Variants in NOL11 observed in about 807,000 individuals in gnomAD.
The protein encoded by NOL11 is nucleolar protein 11.
A neutral mutation model predicts 93.0 loss-of-function variants in NOL11; 42 were observed. The observed-to-expected ratio is 0.45, with a 90% CI of 0.35 to 0.58. The LOEUF (loss-of-function observed/expected upper bound fraction) is 0.58. NOL11 is among the 20% of genes least tolerant of loss of function. The probability of loss-of-function intolerance (pLI) is 0.00; values close to 1 mark genes in which losing one functional copy is unlikely to be tolerated. For synonymous variants in NOL11, 296 were observed against 293.7 expected, an observed-to-expected ratio of 1.01 and a Z score of -0.08; for missense variants, 775 against 841.8, an observed-to-expected ratio of 0.92 and a Z score of 0.98.
At chr17:67,735,452 A>G (rs2055192402) in intron 8 of NOL11, among the ~76,000 whole-genome samples, 1 of 151,924 alleles carries the variant, frequency 6.6e-6, no homozygotes, top group African/African-American at 2.4e-5. Flanking sequence ...ATTTATTATT[A>G]CAAACTTTTT....
At chr17:67,733,972 C>T (rs374980439) in intron 7 of NOL11, among the ~76,000 whole-genome samples, 3 of 152,028 alleles carry the variant, frequency 2.0e-5, no homozygotes, top group African/African-American at 7.2e-5. Flanking sequence ...TGTCTTTGTC[C>T]GGCTTTGGTA....
chr17:67,736,367 C>G (rs921667246), intron 9 of NOL11, among the ~76,000 whole-genome samples: 3 of 151,948 alleles, frequency 2.0e-5, no homozygotes, highest in Non-Finnish European at 2.9e-5. Context: ...AAGAGCTACA[C>G]TGTGTTTTGA....
At chr17:67,736,776 G>T in intron 10 of NOL11, 22 bp downstream of exon 10, 5 of 1,499,778 alleles carry the variant, frequency 3.3e-6, no homozygotes, top group Non-Finnish European at 4.6e-6. Flanking sequence ...AGTTGAAATT[G>T]AAACATTAGT....
intron 7 of NOL11, among the ~76,000 whole-genome samples, chr17:67,733,225 C>T (rs1021823876): frequency 6.6e-6 from 1 of 151,834 alleles, no homozygotes; most frequent in East Asian, 1.9e-4. Context: ...ATTAGCTGGG[C>T]GTGGTGGCAT....
At chr17:67,724,593 AAGCGCTG>A (rs2055070101) in intron 6 of NOL11, among the ~76,000 whole-genome samples, 2 of 151,934 alleles carry the variant, frequency 1.3e-5, no homozygotes, top group African/African-American at 4.8e-5. Context: ...TGGCCTCCCA[AAGCGCTG>A]GGATTACAGG....
At chr17:67,719,478 C>G in intron 1 of NOL11, 196 bp from the exon 2 acceptor site, 2 of 382,168 alleles carry the variant, frequency 5.2e-6, no homozygotes, top group South Asian at 6.1e-5. Flanking sequence ...TCAAGCTGGT[C>G]TCGAACTCCT....
At position 67,743,867 on chromosome 17, in the gene NOL11, A is replaced by G; in HGVS notation, c.*8A>G. 3 of 1,244,060 alleles carry G rather than the reference A, an allele frequency of 2.4e-6. No individual in the cohort carries two copies. The highest frequency in any genetic ancestry group is 3.4e-6 in the Non-Finnish European group (3 of 881,752). 77.1% of individuals were successfully genotyped at this position (1,244,060 alleles called of 1,614,324 possible). The stretch of plus-strand genomic sequence containing the variant: ...GTGCTGGAGCTCTTCTGATATTATC[A>G]ATTCTCCTTCATAGACATTTTATAA... On this transcript the variant is annotated 3_prime_UTR_variant, in exon 18 of 18. Coordinates refer to ENST00000253247, the MANE Select transcript of NOL11 (RefSeq NM_015462.5).
chr17:67,738,033 A>T, intron 13 of NOL11, 61 bp downstream of exon 13: 1 of 1,559,250 alleles, frequency 6.4e-7, no homozygotes, highest in Non-Finnish European at 8.7e-7. Context: ...ACATTATTTG[A>T]TTTCCAAAAT....
intron 9 of NOL11, among the ~76,000 whole-genome samples, chr17:67,736,284 A>G (rs2055201261): frequency 1.3e-5 from 2 of 151,520 alleles, no homozygotes; most frequent in Non-Finnish European, 2.9e-5. Flanking sequence ...TGTACTCCAC[A>G]GAAAATGGAA....
At position 67,726,632 on chromosome 17, in the gene NOL11, A is replaced by T. The variant is rs141435960; in HGVS notation, c.837A>T (p.Pro279=). 3 of 1,603,230 alleles carry T rather than the reference A, an allele frequency of 1.9e-6. No individual in the cohort carries two copies. Among genetic ancestry groups the T allele is most frequent in the Non-Finnish European group, 2.6e-6 (3 of 1,176,384 alleles). The part of the protein sequence containing the change: ...DQDHVAVLGS[P]LAASKECLSV... ...ATCACGTCGCAGTCCTAGGAAGTCC[A>T]CTAGCAGCTTCTAAGGGTAACTGAC... The change falls in exon 7 of 18, where the codon CCA becomes CCT. Residue 279 remains proline, a synonymous_variant. Coordinates refer to ENST00000253247, the MANE Select transcript of NOL11 (RefSeq NM_015462.5).
At chr17:67,730,405 T>C (rs2055142688) in intron 7 of NOL11, among the ~76,000 whole-genome samples, 2 of 152,100 alleles carry the variant, frequency 1.3e-5, no homozygotes, top group Admixed American at 1.3e-4. Flanking sequence ...GGACTACAGG[T>C]GGGTGCCACC....
chr17:67,732,731 G>A (rs2055165834), intron 7 of NOL11, among the ~76,000 whole-genome samples: 1 of 151,112 alleles, frequency 6.6e-6, no homozygotes, highest in South Asian at 2.1e-4. Flanking sequence ...ATGCCATCAT[G>A]CCTGGCTAAT....
Position 67,738,345 on chromosome 17 carries a change from G to A in NOL11, c.1753G>A (p.Ala585Thr). ...STSCPVVQKR[A>T]ALLNAILHSA... ...TTCATGCCCTGTGGTACAAAAAAGA[G>A]CAGCTCTACTGTATCCTTTGACATA... Residue 585 changes from alanine (A) to threonine (T), a missense_variant, in exon 14 of 18, where the codon GCA becomes ACA. Physicochemically the swap from Ala to Thr is moderately conservative, Grantham distance 58. Around this residue, in one of 2 missense-constraint regions of NOL11, gnomAD observed 416 missense variants for 525.2 expected, o/e 0.79. Coordinates refer to ENST00000253247, the MANE Select transcript of NOL11 (RefSeq NM_015462.5). The A allele has an allele frequency of 6.2e-7, 1 of 1,610,012 alleles. No individual in the cohort carries two copies. Among genetic ancestry groups the A allele is most frequent in the Non-Finnish European group, 8.5e-7 (1 of 1,177,182 alleles).
rs1301450723 is a variant in NOL11, at chr17:67,738,175, A to G, written c.1583A>G (p.Asp528Gly). 2.8e-5 allele frequency: 45 copies of G among 1,613,030 alleles called. No homozygotes were observed. The Admixed American group carries it at 7.2e-4, about 26-fold the overall frequency. ...GATGTTAATATGGAGTCAGTTTTTG[A>G]CTATAGTATAAATTCTGTACATGAT... ...ETDVNMESVF[D>G]YSINSVHDEK... is the part of the protein sequence containing the mutation. Residue 528 changes from aspartate to glycine, a missense_variant, in exon 14 of 18, where the codon GAC becomes GGC. By Grantham distance (94) the Asp-to-Gly change is moderately conservative. Transcript: ENST00000253247.
At chr17:67,725,882 C>T (rs1482390570) in intron 6 of NOL11, among the ~76,000 whole-genome samples, 4 of 152,080 alleles carry the variant, frequency 2.6e-5, no homozygotes, top group African/African-American at 4.8e-5. Context: ...GAGTTGGAGA[C>T]CAGCCTGGGC....
intron 7 of NOL11, among the ~76,000 whole-genome samples, chr17:67,730,706 A>G (rs2055146611): frequency 6.6e-6 from 1 of 152,206 alleles, no homozygotes; most frequent in African/African-American, 2.4e-5. Context: ...AGATATTTTG[A>G]TACAGGCATG....
chr17:67,726,359 T>C, intron 6 of NOL11, 101 bp from the exon 7 acceptor site: 2 of 945,760 alleles, frequency 2.1e-6, no homozygotes, highest in Non-Finnish European at 2.9e-6. Context: ...GTTGGCTGTT[T>C]TATCAAATTG....
chr17:67,724,794 C>T (rs1224489276), intron 6 of NOL11, among the ~76,000 whole-genome samples: 1 of 152,162 alleles, frequency 6.6e-6, no homozygotes, highest in Non-Finnish European at 1.5e-5. Flanking sequence ...GGGCATTGTT[C>T]ACGCCTGTAA....
At chr17:67,738,713 G>A in intron 14 of NOL11, 1 of 494,270 alleles carries the variant, frequency 2.0e-6, no homozygotes, top group Non-Finnish European at 3.5e-6. Flanking sequence ...TACTAACACA[G>A]AAGCTCTATC....
Sources: allele counts gnomAD v4.1 joint callset (sites outside exome capture counted in the v4.1 genomes callset), GRCh38; gene constraint gnomAD v4.1.1; regional missense constraint gnomAD v4.1.1; transcripts MANE v1.5; gene names NCBI Gene and HGNC (gene_info 2026-07-23, HGNC 2026-07-21).